COL6A2: variants seen among roughly 807,000 people sequenced by gnomAD.
COL6A2 encodes the protein collagen type VI alpha 2 chain, also known as collagen alpha-2(VI) chain.
Under a neutral mutation model 124.9 loss-of-function variants are expected in COL6A2, and 90 were observed. The observed-to-expected ratio is 0.72, with a 90% CI of 0.61 to 0.86. The LOEUF (loss-of-function observed/expected upper bound fraction) is 0.86, where lower values mean the gene tolerates loss of function less well. Among genes scored for constraint, COL6A2 ranks in the 40% least tolerant of loss-of-function variants. The pLI is 0.00. For synonymous variants in COL6A2, 793 were observed against 618.2 expected (o/e 1.28, Z -4.19); for missense variants, 1,607 against 1,502.5 (o/e 1.07, Z -1.15).
At chr21:46,118,534 G>A in intron 12 of COL6A2, 80 bp from the exon 13 acceptor site, 2 of 1,380,232 alleles carry the variant, frequency 1.4e-6, no homozygotes, top group Non-Finnish European at 2.0e-6. Flanking sequence ...CCCGACCGTG[G>A]GTCCTGCCCC....
intron 27 of COL6A2, among the ~76,000 whole-genome samples, chr21:46,131,622 G>A (rs974171176): frequency 2.6e-5 from 4 of 152,178 alleles, no homozygotes; most frequent in African/African-American, 9.7e-5. Context: ...AAATTCTTGA[G>A]CCATGAAAGG....
intron 1 of COL6A2, among the ~76,000 whole-genome samples, chr21:46,110,690 C>G (rs79894477): frequency 0.018 from 2,687 of 152,368 alleles, 49 homozygotes; most frequent in Non-Finnish European, 0.031. Flanking sequence ...CCCTGCATTA[C>G]CCCTGGAACT....
rs779952528 is a variant in COL6A2, at chr21:46,132,464, G to T, written c.2972G>T (p.Gly991Val). Residue 991 changes from glycine (G) to valine (V), a missense_variant, in exon 28 of 28, where the codon GGT becomes GTT. Physicochemically the swap from Gly to Val is moderately radical, Grantham distance 109. This residue lies in a region of COL6A2 where 1,223 missense variants were observed against 1,052.2 expected (regional missense o/e 1.16). Transcript: ENST00000300527. ...DMDVLTTLSLGDRAAVFHEKD... is the reference protein window; with the variant it reads ...DMDVLTTLSLVDRAAVFHEKD... ...GACGTGCTCACCACGCTCAGCCTGG[G>T]TGACCGCGCCGCCGTGTTCCACGAG... 3.7e-6 allele frequency: 6 copies of T among 1,606,672 alleles called. No individual in the cohort carries two copies. The highest frequency in any genetic ancestry group is 2.2e-5 in the East Asian group (1 of 44,772).
rs940667093 is a variant in COL6A2 at position 46,124,584 on chromosome 21, G to A, written c.1672-67G>A. 4.0e-6 allele frequency: 6 copies of A among 1,499,944 alleles called. No individual in the cohort carries two copies. In the South Asian group the frequency reaches 4.5e-5, roughly 11 times the overall value. The allele number at this position is 1,499,944 out of a possible 1,614,324, so 92.9% of individuals were successfully genotyped here. A position where few individuals can be genotyped will look rare whatever the true frequency, so the allele number is the denominator to read the frequency against. On this transcript the variant is annotated intron_variant, in intron 21 of 27. Transcript: ENST00000300527. ...GACCCGTGGTTGGGGACAGCACAGG[G>A]GGCCCTGCTGTGTGCAGGGACTGTC...
In COL6A2 at chr21:46,116,901, C is replaced by A; in HGVS notation, c.999+87C>A. 2 of 1,284,800 alleles carry A rather than the reference C, an allele frequency of 1.6e-6. No individual in the cohort carries two copies. The highest frequency in any genetic ancestry group is 2.2e-6 in the Non-Finnish European group (2 of 888,998). 79.6% of individuals were successfully genotyped at this position (1,284,800 alleles called of 1,614,324 possible). A position where few individuals can be genotyped will look rare whatever the true frequency, so the allele number is the denominator to read the frequency against. On this transcript the variant is annotated intron_variant, in intron 10 of 27. Transcript: ENST00000300527. The surrounding 1 kb of genome is among the most constrained non-coding windows in gnomAD (Gnocchi z 4.6). Reference sequence around the variant, plus strand: ...GGCCCCCAGATCCAGCCTGATCTGTCAGCTTACACATGTGTACACACGCAT... The same window carrying A: ...GGCCCCCAGATCCAGCCTGATCTGTAAGCTTACACATGTGTACACACGCAT...
intron 2 of COL6A2, 23 bp from the exon 3 acceptor site, chr21:46,111,956 G>A (rs762834747): frequency 1.0e-5 from 16 of 1,606,588 alleles, no homozygotes; most frequent in Admixed American, 1.7e-5. Flanking sequence ...AGGCTGGCTC[G>A]TGACAGGTCC....
chr21:46,124,957 C>T (rs1601247105), intron 23 of COL6A2, 37 bp downstream of exon 23: 4 of 1,611,642 alleles, frequency 2.5e-6, no homozygotes, highest in Non-Finnish European at 3.4e-6. Context: ...TGTCCTTCTC[C>T]TGCCAAAACT....
chr21:46,111,632 G>A, intron 2 of COL6A2, 41 bp downstream of exon 2: 1 of 787,128 alleles, frequency 1.3e-6, no homozygotes, highest in South Asian at 1.5e-5. Context: ...GCATTTGGGG[G>A]GCAGTTGGGA....
At position 46,119,015 on chromosome 21, in the gene COL6A2, CCT is replaced by C; in HGVS notation, c.1180-11_1180-10del. On this transcript the variant is annotated splice_polypyrimidine_tract_variant and intron_variant, in intron 13 of 27. Coordinates refer to ENST00000300527, the MANE Select transcript of COL6A2 (RefSeq NM_001849.4). ...CCCTGCCTCTGGGTGACTGTGCTGTCCTCTCCTTCTTCAGGGGTATCAAGGCA... is the reference window on the plus strand; with the variant it reads ...CCCTGCCTCTGGGTGACTGTGCTGTCCTCCTTCTTCAGGGGTATCAAGGCA... 1 of 1,589,946 alleles carries C rather than the reference CCT, an allele frequency of 6.3e-7. No individual in the cohort carries two copies. The highest frequency in any genetic ancestry group is 8.6e-7 in the Non-Finnish European group (1 of 1,159,048).
At chr21:46,119,306 G>A (rs1047661002) in intron 14 of COL6A2, among the ~76,000 whole-genome samples, 187 bp downstream of exon 14, 1 of 152,306 alleles carries the variant, frequency 6.6e-6, no homozygotes. Flanking sequence ...GCTGGACTTA[G>A]AGGTAAAGCC....
At chr21:46,101,533 G>A (rs528417513) in intron 1 of COL6A2, among the ~76,000 whole-genome samples, 2 of 152,168 alleles carry the variant, frequency 1.3e-5, no homozygotes, top group Admixed American at 1.3e-4. Flanking sequence ...TAAAGTTTTA[G>A]GTCTTAAAAC....
Position 46,129,346 on chromosome 21 carries a change from T to C in COL6A2, c.2462-2608T>C, listed in dbSNP as rs750366391. 3.1e-6 allele frequency: 5 copies of C among 1,612,526 alleles called. No individual in the cohort carries two copies. In the South Asian group the frequency reaches 5.5e-5, roughly 18 times the overall value. The stretch of plus-strand genomic sequence containing the variant: ...GACCCGGCCGCCTACTCCCAGCTGG[T>C]GGCCGTGCTGGTCTACACCGCCGAG... On this transcript the variant is annotated intron_variant, in intron 27 of 27. Coordinates refer to ENST00000300527, the MANE Select transcript of COL6A2 (RefSeq NM_001849.4).
At chr21:46,130,632 G>A (rs750666091) in intron 27 of COL6A2, among the ~76,000 whole-genome samples, 4 of 152,190 alleles carry the variant, frequency 2.6e-5, no homozygotes, top group Admixed American at 6.5e-5. Context: ...GTCTCCTCCA[G>A]GCCCCACAGA....
rs767456316 is a variant in COL6A2, at chr21:46,121,634, C to G, written c.1521+16C>G. 19 of 1,612,304 alleles carry G rather than the reference C, an allele frequency of 1.2e-5. No individual in the cohort carries two copies. The highest frequency in any genetic ancestry group is 1.6e-5 in the Non-Finnish European group (19 of 1,179,692). On this transcript the variant is annotated intron_variant, in intron 18 of 27. Transcript: ENST00000300527. ...AGGCCCCAAGGTACGTGCCCCTCCC[C>G]CAGCAGGACGTATTAGGGGTTCGGG...
chr21:46,126,353 G>C, intron 26 of COL6A2, 116 bp downstream of exon 26: 1 of 1,511,254 alleles, frequency 6.6e-7, no homozygotes, highest in South Asian at 1.1e-5. Flanking sequence ...CAGGATCTTG[G>C]GCTGTGGGTG....
At chr21:46,129,398 G>A (rs954327356) in intron 27 of COL6A2, 4 of 1,612,884 alleles carry the variant, frequency 2.5e-6, no homozygotes, top group South Asian at 1.1e-5. Context: ...CCGGGGTAGA[G>A]CGGCAGGACT....
At chr21:46,118,697 G>C in intron 13 of COL6A2, 21 bp downstream of exon 13, 1 of 1,601,004 alleles carries the variant, frequency 6.2e-7, no homozygotes, top group Non-Finnish European at 8.5e-7. Flanking sequence ...CTGCCTCTTC[G>C]CCTGCAGCTG....
chr21:46,132,110 T>C lies in COL6A2; in HGVS notation c.2618T>C (p.Leu873Pro), dbSNP rs1356248873. The C allele has an allele frequency of 1.3e-6, 2 of 1,589,274 alleles. No homozygotes were observed. The highest frequency in any genetic ancestry group is 1.7e-6 in the Non-Finnish European group (2 of 1,170,616). Residue 873 changes from leucine to proline, a missense_variant, in exon 28 of 28, where the codon CTC (leucine) becomes CCC (proline). Physicochemically the swap from Leu to Pro is moderately conservative, Grantham distance 98. Transcript: ENST00000300527. ...LTLARRDDDP[L>P]NARVALLQFG... The stretch of plus-strand genomic sequence containing the variant: ...CTGGCCCGGAGGGACGACGACCCTC[T>C]CAACGCACGCGTGGCGCTGCTGCAG...
In COL6A2 at chr21:46,125,981, G is replaced by A. The variant is rs930056910; in HGVS notation, c.2166G>A (p.Lys722=). 2 of 1,612,974 alleles carry A rather than the reference G, an allele frequency of 1.2e-6. No homozygotes were observed. Among genetic ancestry groups the A allele is most frequent in the Non-Finnish European group, 1.7e-6 (2 of 1,179,900 alleles). Residue 722 remains lysine, a synonymous_variant, in exon 26 of 28, where the codon AAG becomes AAA. Transcript: ENST00000300527. ...DRLIKESRRQ[K]TRVFAVVITD... is the part of the protein sequence containing the mutation. ...TCATCAAGGAGAGCCGGCGCCAGAA[G>A]ACACGTGTGTTTGCGGTGGTCATCA...
Sources: allele counts gnomAD v4.1 joint callset (sites outside exome capture counted in the v4.1 genomes callset), GRCh38; gene constraint gnomAD v4.1.1; regional missense constraint gnomAD v4.1.1; non-coding constraint Gnocchi (gnomAD v3.1); transcripts MANE v1.5; gene names NCBI Gene and HGNC (gene_info 2026-07-23, HGNC 2026-07-21).